Variants in DCTN2 observed in about 807,000 individuals in gnomAD.
DCTN2 encodes the protein dynactin subunit 2.
A neutral mutation model predicts 55.4 loss-of-function variants in DCTN2; 18 were observed. That is an observed-to-expected ratio of 0.32 (90% confidence interval 0.22 to 0.48). The LOEUF is 0.48. Among genes scored for constraint, DCTN2 ranks in the 20% least tolerant of loss-of-function variants. The probability of loss-of-function intolerance (pLI) is 0.99; values close to 1 mark genes in which losing one functional copy is unlikely to be tolerated. For synonymous variants in DCTN2, 168 were observed against 185.2 expected (o/e 0.91, Z 0.76); for missense variants, 390 against 491.0 (o/e 0.79, Z 1.94).
chr12:57,530,494 T>G lies in DCTN2; in HGVS notation c.*195A>C. The G allele has an allele frequency of 2.0e-6, 1 of 508,406 alleles. No individual in the cohort carries two copies. Among genetic ancestry groups the G allele is most frequent in the Non-Finnish European group, 3.5e-6 (1 of 285,942 alleles). The allele number at this position is 508,406 out of a possible 1,614,324, so 31.5% of individuals were successfully genotyped here. A position where few individuals can be genotyped will look rare whatever the true frequency, so the allele number is the denominator to read the frequency against. On this transcript the variant is annotated 3_prime_UTR_variant, in exon 14 of 14. Transcript: ENST00000548249. ...GGCCTGAGGGGAGACCACCTTCTGA[T>G]GATAACCAACCCCTAGCTACCACTC...
At chr12:57,534,697 T>G (rs1880075431) in intron 5 of DCTN2, among the ~76,000 whole-genome samples, 1 of 152,200 alleles carries the variant, frequency 6.6e-6, no homozygotes, top group Admixed American at 6.5e-5. Context: ...AGATGGAGTC[T>G]CGCTCTGTCA....
At chr12:57,533,049 AGTGGTCCT>A (rs1879887498) in intron 8 of DCTN2, 27 bp from the exon 9 acceptor site, 2 of 1,587,454 alleles carry the variant, frequency 1.3e-6, no homozygotes, top group Admixed American at 1.8e-5. Flanking sequence ...GGAAGAAGTG[AGTGGTCCT>A]TATATCTCCA....
intron 8 of DCTN2, 61 bp downstream of exon 8, chr12:57,533,177 G>A: frequency 6.3e-7 from 1 of 1,593,752 alleles, no homozygotes. Flanking sequence ...GAATGTTGTA[G>A]ACCTTAAGGC....
chr12:57,539,409 T>G (rs1454240745), intron 2 of DCTN2, among the ~76,000 whole-genome samples: 2 of 152,192 alleles, frequency 1.3e-5, no homozygotes, highest in Admixed American at 1.3e-4. Context: ...TTCAACCCTC[T>G]GTTCACAAGA....
At chr12:57,533,916 C>A in intron 7 of DCTN2, 37 bp downstream of exon 7, 1 of 1,559,904 alleles carries the variant, frequency 6.4e-7, no homozygotes, top group South Asian at 1.2e-5. Context: ...GTCACATCTC[C>A]CCTTGGCTTC....
In DCTN2 at chr12:57,532,312, G is replaced by C. The variant is rs1879807043; in HGVS notation, c.928C>G (p.His310Asp). 7 of 1,558,676 alleles carry C rather than the reference G, an allele frequency of 4.5e-6. No individual in the cohort carries two copies. In the South Asian group the frequency reaches 7.1e-5, roughly 16 times the overall value. The change falls in exon 12 of 14, where the codon CAC becomes GAC. Residue 310 changes from histidine (H) to aspartate (D), a missense_variant. Physicochemically the swap from His to Asp is moderately conservative, Grantham distance 81 (BLOSUM62 -1). Around this residue, in one of 2 missense-constraint regions of DCTN2, gnomAD observed 273 missense variants for 303.2 expected, o/e 0.90. Transcript: ENST00000548249. ...CGCTGTATAGTTTCATATAGCTGGTGCACCTGAAGGGACACAATGGGGCCC... is the reference window on the plus strand; with the variant it reads ...CGCTGTATAGTTTCATATAGCTGGTCCACCTGAAGGGACACAATGGGGCCC... ...VEDADTQSKVHQLYETIQRWS... is the reference protein window; with the variant it reads ...VEDADTQSKVDQLYETIQRWS...
chr12:57,541,979 G>C (rs757064917), intron 2 of DCTN2, among the ~76,000 whole-genome samples: 1 of 152,160 alleles, frequency 6.6e-6, no homozygotes, highest in Non-Finnish European at 1.5e-5. Flanking sequence ...AGGGATAGTA[G>C]AAAAATCAGG....
intron 1 of DCTN2, 22 bp downstream of exon 1, chr12:57,547,006 C>T: frequency 1.6e-6 from 2 of 1,289,478 alleles, no homozygotes; most frequent in East Asian, 2.9e-5. Context: ...TCCTGGGGAG[C>T]CGGGGCCGGT....
At chr12:57,543,385 C>T (rs980634210) in intron 2 of DCTN2, among the ~76,000 whole-genome samples, 4 of 149,456 alleles carry the variant, frequency 2.7e-5, no homozygotes, top group African/African-American at 9.8e-5. Flanking sequence ...GACTGAAAAT[C>T]TCATGGTTCA....
Position 57,546,084 on chromosome 12 carries a change from G to C in DCTN2, c.49C>G (p.Pro17Ala). 6.2e-7 allele frequency: 1 copy of C among 1,613,832 alleles called. No homozygotes were observed. The highest frequency in any genetic ancestry group is 8.5e-7 in the Non-Finnish European group (1 of 1,179,824). The change falls in exon 2 of 14, where the codon CCA becomes GCA. Residue 17 changes from proline (P) to alanine (A), a missense_variant. Physicochemically the swap from Pro to Ala is conservative, Grantham distance 27. Coordinates refer to ENST00000548249, the MANE Select transcript of DCTN2 (RefSeq NM_001261413.2). ...AGGTCGCTAGTTTCATAAACATCTG[G>C]CTCATTCCTGGCCTGCAGGTAGAAG... The part of the protein sequence containing the change: ...ADLPGIARNE[P>A]DVYETSDLPE...
intron 2 of DCTN2, chr12:57,542,975 TTACC>T (rs1173407957): frequency 6.6e-6 from 3 of 455,902 alleles, no homozygotes; most frequent in Admixed American, 2.3e-5. Context: ...TGTGCATACA[TTACC>T]TACTTTAAAA....
intron 8 of DCTN2, 75 bp from the exon 9 acceptor site, chr12:57,533,097 T>A: frequency 6.4e-7 from 1 of 1,562,176 alleles, no homozygotes; most frequent in East Asian, 2.3e-5. Context: ...TCTTTCCTGG[T>A]TCTAGCTGGG....
At position 57,535,858 on chromosome 12, in the gene DCTN2, GTAGTT is replaced by G; in HGVS notation, c.106-18_106-14del. On this transcript the variant is annotated splice_polypyrimidine_tract_variant and intron_variant, in intron 2 of 13. Coordinates refer to ENST00000548249, the MANE Select transcript of DCTN2 (RefSeq NM_001261413.2). The stretch of plus-strand genomic sequence containing the variant: ...TTGTCAGCTCCTCCTGCAAGAACAG[GTAGTT>G]TAGGCCAGGGACACACTCATTCCCA... 1.2e-6 allele frequency: 2 copies of G among 1,604,938 alleles called. No homozygotes were observed. The highest frequency in any genetic ancestry group is 1.7e-6 in the Non-Finnish European group (2 of 1,174,012).
intron 2 of DCTN2, chr12:57,544,045 T>C: frequency 2.3e-6 from 1 of 425,982 alleles, no homozygotes; most frequent in Non-Finnish European, 4.7e-6. Flanking sequence ...AGAAAGAGGA[T>C]TACTGTGAAA....
rs863223327 is a variant in DCTN2, at chr12:57,535,097, G to A, written c.322C>T (p.His108Tyr). Residue 108 changes from histidine (H) to tyrosine (Y), a missense_variant, in exon 5 of 14, where the codon CAT (histidine) becomes TAT (tyrosine). His to Tyr is a moderately conservative substitution (Grantham distance 83). This residue lies in a region of DCTN2 where 117 missense variants were observed against 187.8 expected (regional missense o/e 0.62). Transcript: ENST00000548249. ...TCAGTTGTCAGCTCTTGGACCTCAT[G>A]CAGTAGGCGCTGGTACTTTTGCTGG... ...TPQQKYQRLL[H>Y]EVQELTTEVE... 2 of 1,613,770 alleles carry A rather than the reference G, an allele frequency of 1.2e-6. No homozygotes were observed. The highest frequency in any genetic ancestry group is 1.7e-6 in the Non-Finnish European group (2 of 1,179,862).
Position 57,543,920 on chromosome 12 carries a change from C to T in DCTN2, c.105+2108G>A, listed in dbSNP as rs754845356. 25 of 842,414 alleles carry T rather than the reference C, an allele frequency of 3.0e-5. No individual in the cohort carries two copies. In the South Asian group the frequency reaches 3.5e-4, roughly 12 times the overall value. The allele number at this position is 842,414 out of a possible 1,614,324, so 52.2% of individuals were successfully genotyped here. On this transcript the variant is annotated intron_variant, in intron 2 of 13. Coordinates refer to ENST00000548249, the MANE Select transcript of DCTN2 (RefSeq NM_001261413.2). ...TGTTCAGGCTCTGGGGGAGAAACAGCCAATCAGAGCTGCACAGTCAGGTTC... is the reference window on the plus strand; with the variant it reads ...TGTTCAGGCTCTGGGGGAGAAACAGTCAATCAGAGCTGCACAGTCAGGTTC...
intron 2 of DCTN2, chr12:57,538,548 A>T: frequency 1.3e-6 from 1 of 755,314 alleles, no homozygotes; most frequent in East Asian, 2.4e-5. Flanking sequence ...CAGAGGTGAG[A>T]AAATCAAAAG....
intron 2 of DCTN2, among the ~76,000 whole-genome samples, chr12:57,537,769 A>G (rs908873559): frequency 1.3e-5 from 2 of 152,204 alleles, no homozygotes; most frequent in Non-Finnish European, 2.9e-5. Flanking sequence ...GGGGAGAGAC[A>G]TTTGAGTCCC....
intron 1 of DCTN2, 93 bp from the exon 2 acceptor site, chr12:57,546,189 C>T: frequency 4.0e-6 from 5 of 1,242,838 alleles, no homozygotes; most frequent in East Asian, 2.3e-5. Flanking sequence ...ACAGAGAAGG[C>T]GGGGTGTGAT....
Sources: gnomAD v4.1 joint callset for allele counts (sites outside exome capture counted in the v4.1 genomes callset) on GRCh38, gnomAD v4.1.1 for gene constraint, gnomAD v4.1.1 regional missense constraint, MANE v1.5 for transcripts, NCBI Gene and HGNC (gene_info 2026-07-23, HGNC 2026-07-21) for gene names.